Variants in TNKS observed in about 807,000 individuals in gnomAD.
TNKS encodes poly [ADP-ribose] polymerase tankyrase-1.
TNKS carries 72 observed loss-of-function variants against 135.8 expected under a neutral mutation model. That is an observed-to-expected ratio of 0.53 (90% CI 0.44 to 0.64). The LOEUF (loss-of-function observed/expected upper bound fraction) is 0.64. TNKS is among the 30% of genes least tolerant of loss of function. The probability of loss-of-function intolerance (pLI) is 0.00; values close to 1 mark genes in which losing one functional copy is unlikely to be tolerated. For synonymous variants in TNKS, 849 were observed against 649.3 expected (o/e 1.31, Z -4.68); for missense variants, 1,769 against 1,674.0 (o/e 1.06, Z -0.99).
intron 2 of TNKS, among the ~76,000 whole-genome samples, chr8:9,613,310 G>A (rs1421317026): frequency 6.6e-6 from 1 of 152,108 alleles, no homozygotes; most frequent in Non-Finnish European, 1.5e-5. Flanking sequence ...ATATTATGGT[G>A]AGCTGATGGG....
At position 9,741,837 on chromosome 8, in the gene TNKS, G is replaced by A. The variant is rs1246807063; in HGVS notation, c.2644-6187G>A. On this transcript the variant is annotated intron_variant, in intron 17 of 26. Coordinates refer to ENST00000310430, the MANE Select transcript of TNKS (RefSeq NM_003747.3). The stretch of plus-strand genomic sequence containing the variant: ...ACCTGAAGAGAGGTGTAATGCAATC[G>A]GTCTCCTGACCGGAAGTCCACTCTT... The A allele has an allele frequency of 3.1e-5, 11 of 350,702 alleles. No individual in the cohort carries two copies. In the East Asian group the frequency reaches 4.7e-4, roughly 15 times the overall value. The allele number at this position is 350,702 out of a possible 1,614,324, so 21.7% of individuals were successfully genotyped here.
chr8:9,776,870 A>C lies in TNKS; in HGVS notation c.*134A>C. On this transcript the variant is annotated 3_prime_UTR_variant, in exon 27 of 27. Coordinates refer to ENST00000310430, the MANE Select transcript of TNKS (RefSeq NM_003747.3). The stretch of plus-strand genomic sequence containing the variant: ...ATAAGCTGTTTGTCTTCTATAAAGC[A>C]TTGCTATAGTGATGAATAGTATGAG... The C allele has an allele frequency of 1.3e-6, 1 of 776,966 alleles. No homozygotes were observed. Among genetic ancestry groups the C allele is most frequent in the Non-Finnish European group, 2.1e-6 (1 of 480,390 alleles). The allele number at this position is 776,966 out of a possible 1,614,324, so 48.1% of individuals were successfully genotyped here.
chr8:9,705,741 CA>C (rs542199535), intron 6 of TNKS, among the ~76,000 whole-genome samples: 67 of 151,742 alleles, frequency 4.4e-4, no homozygotes, highest in African/African-American at 1.5e-3. Flanking sequence ...ATGTACACCA[CA>C]AAAAAAGGGT....
intron 3 of TNKS, among the ~76,000 whole-genome samples, chr8:9,668,687 G>A (rs1168350811): frequency 6.6e-6 from 1 of 152,152 alleles, no homozygotes; most frequent in East Asian, 1.9e-4. Flanking sequence ...ATATGTTTGT[G>A]GCAAGATTTT....
intron 2 of TNKS, among the ~76,000 whole-genome samples, chr8:9,592,260 G>C (rs1399984033): frequency 6.6e-6 from 1 of 151,948 alleles, no homozygotes. Flanking sequence ...TTTTTGGTTT[G>C]TGTTTTCCTT....
intron 11 of TNKS, among the ~76,000 whole-genome samples, chr8:9,719,076 A>G (rs1206940250): frequency 6.6e-6 from 1 of 152,238 alleles, no homozygotes; most frequent in East Asian, 1.9e-4. Flanking sequence ...TGTGTTATCC[A>G]TTGATACATG....
At chr8:9,677,123 T>A (rs535539434) in intron 3 of TNKS, among the ~76,000 whole-genome samples, 1 of 152,296 alleles carries the variant, frequency 6.6e-6, no homozygotes, top group East Asian at 1.9e-4. Context: ...AGCTAGCGTT[T>A]GAAAAATCGC....
Position 9,780,685 on chromosome 8 carries a change from TAATA to T in TNKS, c.*3956_*3959del, listed in dbSNP as rs2128847632. 2 of 152,350 alleles carry T rather than the reference TAATA, an allele frequency of 1.3e-5. No homozygotes were observed. The highest frequency in any genetic ancestry group is 3.9e-4 in the East Asian group (2 of 5,188). 9.4% of individuals were successfully genotyped at this position (152,350 alleles called of 1,614,324 possible). On this transcript the variant is annotated 3_prime_UTR_variant, in exon 27 of 27. Transcript: ENST00000310430. The stretch of plus-strand genomic sequence containing the variant: ...GGAAACTTTTTAACCTTTTATATTT[TAATA>T]AATAAAACATTGTAGTCCCATTTCT...
intron 25 of TNKS, 56 bp downstream of exon 25, chr8:9,766,481 GTCT>G: frequency 1.0e-5 from 8 of 796,318 alleles, no homozygotes; most frequent in South Asian, 3.5e-5. Flanking sequence ...GAACCAAATT[GTCT>G]TTTTTTTTTT....
At chr8:9,759,198 G>A (rs1219562051) in intron 20 of TNKS, among the ~76,000 whole-genome samples, 2 of 152,252 alleles carry the variant, frequency 1.3e-5, no homozygotes. Flanking sequence ...TGTGATGTAA[G>A]GAGGTGGGAA....
At chr8:9,753,544 G>C (rs1467490928) in intron 20 of TNKS, among the ~76,000 whole-genome samples, 2 of 152,150 alleles carry the variant, frequency 1.3e-5, no homozygotes, top group African/African-American at 4.8e-5. Context: ...TTTTCATACA[G>C]GATAAGGAGT....
chr8:9,590,988 C>G (rs549131070), intron 2 of TNKS, among the ~76,000 whole-genome samples: 73 of 152,178 alleles, frequency 4.8e-4, no homozygotes, highest in African/African-American at 1.7e-3. Context: ...ATTGTCGAAC[C>G]CTAGATCATG....
chr8:9,707,141 A>G (rs931243891), intron 8 of TNKS, 144 bp downstream of exon 8: 2 of 708,180 alleles, frequency 2.8e-6, no homozygotes, highest in Non-Finnish European at 4.3e-6. Context: ...ACTTTTCTTC[A>G]TGAATTCCAT....
chr8:9,578,651 T>G lies in TNKS; in HGVS notation c.674-1508T>G, dbSNP rs117041180. On this transcript the variant is annotated intron_variant, in intron 1 of 26. Transcript: ENST00000310430. ...CTTGAGATAAATTTCTTTTTTCCCC[T>G]TACTCTTTTCCACATGGTTTTTATT... Among the ~76,000 whole-genome samples the G allele has an allele frequency of 4.6e-3, 708 of 152,326 alleles. 2 individuals carry two copies. Among genetic ancestry groups the G allele is most frequent in the Non-Finnish European group, 6.6e-3 (449 of 68,032 alleles).
chr8:9,765,195 G>C (rs183099251), intron 23 of TNKS, among the ~76,000 whole-genome samples: 1 of 151,800 alleles, frequency 6.6e-6, no homozygotes, highest in African/African-American at 2.4e-5. Context: ...TCTTAATCTC[G>C]GTATCTCAAT....
chr8:9,637,270 T>A, intron 3 of TNKS, among the ~76,000 whole-genome samples: 1 of 152,228 alleles, frequency 6.6e-6, no homozygotes, highest in East Asian at 1.9e-4. Flanking sequence ...TGTTATTGCC[T>A]GTGAGTATCA....
chr8:9,603,571 T>A (rs576529907), intron 2 of TNKS, among the ~76,000 whole-genome samples: 1 of 152,178 alleles, frequency 6.6e-6, no homozygotes, highest in African/African-American at 2.4e-5. Context: ...CCAGTTCAGT[T>A]CCCTGTTCAT....
At chr8:9,703,354 AATT>A (rs1803904612) in intron 5 of TNKS, among the ~76,000 whole-genome samples, 1 of 152,174 alleles carries the variant, frequency 6.6e-6, no homozygotes, top group African/African-American at 2.4e-5. Context: ...TTCAGACTAA[AATT>A]AACCACAGGT....
At chr8:9,674,478 G>A (rs1389792516) in intron 3 of TNKS, among the ~76,000 whole-genome samples, 1 of 152,146 alleles carries the variant, frequency 6.6e-6, no homozygotes, top group African/African-American at 2.4e-5. Flanking sequence ...TAGGGTAAAA[G>A]GTAACTTCTT....
Sources: allele counts gnomAD v4.1 joint callset (sites outside exome capture counted in the v4.1 genomes callset), GRCh38; gene constraint gnomAD v4.1.1; transcripts MANE v1.5; gene names NCBI Gene and HGNC (gene_info 2026-07-23, HGNC 2026-07-21).